POLE: variants seen among roughly 807,000 people sequenced by gnomAD.
The protein encoded by POLE is DNA polymerase epsilon, catalytic subunit.
A neutral mutation model predicts 279.2 loss-of-function variants in POLE; 188 were observed. The ratio of observed to expected loss-of-function variants is 0.67; its 90% CI spans 0.60 to 0.76. The LOEUF (loss-of-function observed/expected upper bound fraction) is 0.76, where lower values mean the gene tolerates loss of function less well. POLE is among the 30% of genes least tolerant of loss of function. The pLI is 0.00. For missense variants in POLE, 2,703 were observed against 3,016.7 expected (o/e 0.90, Z 2.44); for synonymous variants, 1,214 against 1,172.5 (o/e 1.04, Z -0.72).
At chr12:132,636,757 A>G (rs1056473771) in intron 41 of POLE, among the ~76,000 whole-genome samples, 1 of 151,910 alleles carries the variant, frequency 6.6e-6, no homozygotes, top group Non-Finnish European at 1.5e-5. Flanking sequence ...CCCATCTCCT[A>G]AAAAACAAAC....
Position 132,632,358 on chromosome 12 carries a change from A to C in POLE, c.6287T>G (p.Leu2096Arg), listed in dbSNP as rs754604458. 1.1e-5 allele frequency: 18 copies of C among 1,614,214 alleles called. No homozygotes were observed. The highest frequency in any genetic ancestry group is 1.4e-5 in the Non-Finnish European group (17 of 1,180,020). Residue 2096 changes from leucine (L) to arginine (R), a missense_variant, in exon 45 of 49, where the codon CTG (leucine) becomes CGG (arginine). By Grantham distance (102) the Leu-to-Arg change is moderately radical. This residue lies in a region of POLE where 1,551 missense variants were observed against 1,686.1 expected (regional missense o/e 0.92). Transcript: ENST00000320574. ...GAACTCCAGGGCAGGGTTATTGAGC[A>C]GCAAGTGGGAACCGGGGAGGACAGG... ...MFPVLPGSHL[L>R]LNNPALEFIK...
chr12:132,666,747 AAG>A (rs1316739155), intron 20 of POLE, among the ~76,000 whole-genome samples: 6 of 152,168 alleles, frequency 3.9e-5, no homozygotes, highest in African/African-American at 1.4e-4. Flanking sequence ...TGATGGAGAT[AAG>A]AGTTTCCGTT....
chr12:132,650,652 GTCAC>G (rs987574069), intron 29 of POLE: 6 of 152,046 alleles, frequency 3.9e-5, no homozygotes, highest in African/African-American at 1.4e-4. Flanking sequence ...AAAATAAAAC[GTCAC>G]TCAATACCAC....
intron 26 of POLE, 132 bp downstream of exon 26, chr12:132,659,163 T>C (rs577712193): frequency 1.1e-6 from 1 of 897,406 alleles, no homozygotes; most frequent in Non-Finnish European, 1.7e-6. Context: ...AGGAACCCCT[T>C]ACCTCTCCGT....
rs1031604182 is a variant in POLE, at chr12:132,676,187, G to T, written c.927C>A (p.Asn309Lys). The change falls in exon 10 of 49, where the codon AAC (asparagine) becomes AAA (lysine). Residue 309 changes from asparagine (N) to lysine (K), a missense_variant. Coordinates refer to ENST00000320574, the MANE Select transcript of POLE (RefSeq NM_006231.4). ...CAATATCTTCTGAAACAATCTCCCT[G>T]TTGGTGATGAGGTAGCCCTAGCCAA... Reference protein sequence around the residue: ...MIDGQGYLITNREIVSEDIED... With the variant: ...MIDGQGYLITKREIVSEDIED... 2 of 1,613,036 alleles carry T rather than the reference G, an allele frequency of 1.2e-6. No individual in the cohort carries two copies. The highest frequency in any genetic ancestry group is 1.7e-6 in the Non-Finnish European group (2 of 1,179,412).
chr12:132,666,811 T>C (rs898879957), intron 20 of POLE, among the ~76,000 whole-genome samples: 1 of 152,144 alleles, frequency 6.6e-6, no homozygotes, highest in East Asian at 1.9e-4. Context: ...TGCACAACAG[T>C]GCGAATATGC....
rs554140626 is a variant in POLE at position 132,687,330 on chromosome 12, C to T, written c.-15G>A. The T allele has an allele frequency of 1.5e-5, 22 of 1,495,138 alleles. No homozygotes were observed. The African/African-American group carries it at 2.4e-4, about 17-fold the overall frequency. 92.6% of individuals were successfully genotyped at this position (1,495,138 alleles called of 1,614,324 possible). ...CTCAGAGACATGGAGCCGTTGGCTA[C>T]CACCTCTGCTTCAGGGGAGAAATTT... On this transcript the variant is annotated 5_prime_UTR_variant, in exon 1 of 49. Coordinates refer to ENST00000320574, the MANE Select transcript of POLE (RefSeq NM_006231.4).
rs1060504071 is a variant in POLE at position 132,638,073 on chromosome 12, G to A, written c.5619C>T (p.Leu1873=). ...VIYANFNRII[L]CTKKRRVEDA... ...CTTCCACACGGCGCTTCTTTGTACA[G>A]AGGATGATGCGGTTGAAGTTGGCGT... The change falls in exon 41 of 49, where the codon CTC becomes CTT. Residue 1873 remains leucine (L), a synonymous_variant. Coordinates refer to ENST00000320574, the MANE Select transcript of POLE (RefSeq NM_006231.4). The A allele has an allele frequency of 1.9e-6, 3 of 1,614,106 alleles. No homozygotes were observed. The highest frequency in any genetic ancestry group is 2.5e-6 in the Non-Finnish European group (3 of 1,179,994).
At position 132,635,411 on chromosome 12, in the gene POLE, T is replaced by C. The variant is rs1469029603; in HGVS notation, c.5811+481A>G. Among the ~76,000 whole-genome samples the C allele has an allele frequency of 2.0e-5, 3 of 152,230 alleles. No individual in the cohort carries two copies. The South Asian group carries it at 6.2e-4, about 32-fold the overall frequency. On this transcript the variant is annotated intron_variant, in intron 42 of 48. Transcript: ENST00000320574. ...CCTGCCTGTGCCCTCCAATGGTGGG[T>C]TATCCACATGGGGCCAAGAAAGCTC...
At chr12:132,637,930 G>C in intron 41 of POLE, 84 bp downstream of exon 41, 1 of 1,494,182 alleles carries the variant, frequency 6.7e-7, no homozygotes, top group Non-Finnish European at 9.2e-7. Flanking sequence ...AGCCCACCCA[G>C]GAGGAGAGCT....
chr12:132,656,329 T>G (rs1201537713), intron 29 of POLE, among the ~76,000 whole-genome samples: 2 of 152,000 alleles, frequency 1.3e-5, no homozygotes, highest in Non-Finnish European at 2.9e-5. Context: ...ATAAGACAGT[T>G]AAATTTTAAA....
intron 8 of POLE, 74 bp downstream of exon 8, chr12:132,677,289 C>A: frequency 9.9e-7 from 1 of 1,015,174 alleles, no homozygotes; most frequent in Non-Finnish European, 1.6e-6. Flanking sequence ...GTCAGATTCA[C>A]TCTCCAGCAC....
chr12:132,641,019 C>T (rs2042129615), intron 39 of POLE: 1 of 456,606 alleles, frequency 2.2e-6, no homozygotes, highest in Non-Finnish European at 4.4e-6. Context: ...AGCACCTACC[C>T]TTCCATTCAT....
intron 32 of POLE, among the ~76,000 whole-genome samples, chr12:132,646,601 G>A (rs923548843): frequency 2.4e-4 from 36 of 151,646 alleles, no homozygotes; most frequent in African/African-American, 8.7e-4. Flanking sequence ...GGAGGCCGAG[G>A]TGGATGGATT....
At chr12:132,686,718 G>A (rs954501833) in intron 1 of POLE, among the ~76,000 whole-genome samples, 4 of 152,108 alleles carry the variant, frequency 2.6e-5, no homozygotes, top group Non-Finnish European at 4.4e-5. Context: ...CTGGGCGACA[G>A]AGCGGGACTC....
At chr12:132,687,222 C>G (rs1422295571) in intron 1 of POLE, 32 bp downstream of exon 1, 1 of 1,426,144 alleles carries the variant, frequency 7.0e-7, no homozygotes, top group Non-Finnish European at 9.3e-7. Context: ...TCCGGAGGGC[C>G]GGCCCGAGAG....
At position 132,639,271 on chromosome 12, in the gene POLE, C is replaced by G. The variant is rs2138511070; in HGVS notation, c.5406G>C (p.Trp1802Cys). 1 of 1,614,092 alleles carries G rather than the reference C, an allele frequency of 6.2e-7. No homozygotes were observed. Among genetic ancestry groups the G allele is most frequent in the Non-Finnish European group, 8.5e-7 (1 of 1,180,004 alleles). ...TGTGGTACTGGGTGATCTCCTTCACCCAGCCCACGACCATGCTCTTCAGGA... is the reference window on the plus strand; with the variant it reads ...TGTGGTACTGGGTGATCTCCTTCACGCAGCCCACGACCATGCTCTTCAGGA... ...FRILKSMVVG[W>C]VKEITQYHNI... Residue 1802 changes from tryptophan to cysteine, a missense_variant, in exon 40 of 49, where the codon TGG becomes TGC. Coordinates refer to ENST00000320574, the MANE Select transcript of POLE (RefSeq NM_006231.4). The surrounding 1 kb of genome is among the most constrained non-coding windows in gnomAD (Gnocchi z 4.7).
Position 132,642,231 on chromosome 12 carries a change from C to T in POLE, c.5119G>A (p.Glu1707Lys), listed in dbSNP as rs1168722633. 1 of 1,610,244 alleles carries T rather than the reference C, an allele frequency of 6.2e-7. No individual in the cohort carries two copies. Among genetic ancestry groups the T allele is most frequent in the Non-Finnish European group, 8.5e-7 (1 of 1,178,124 alleles). ...KEADDNCLVM[E>K]FDDQATVEIN... ...TCAACAGTGGCTTGGTCATCGAACT[C>T]CATGACAAGACAGTTGTCATCAGCC... is the stretch of plus-strand genomic sequence containing the variant. The change falls in exon 38 of 49, where the codon GAG becomes AAG. Residue 1707 changes from glutamate to lysine, a missense_variant. Transcript: ENST00000320574.
intron 20 of POLE, 71 bp downstream of exon 20, chr12:132,667,432 G>A: frequency 1.3e-6 from 2 of 1,512,338 alleles, no homozygotes; most frequent in East Asian, 4.5e-5. Context: ...AAGGAGCCAA[G>A]AGTGCCCACT....
Sources: gnomAD v4.1 joint callset for allele counts (sites outside exome capture counted in the v4.1 genomes callset) on GRCh38, gnomAD v4.1.1 for gene constraint, gnomAD v4.1.1 regional missense constraint, Gnocchi (gnomAD v3.1) non-coding constraint, MANE v1.5 for transcripts, NCBI Gene and HGNC (gene_info 2026-07-23, HGNC 2026-07-21) for gene names.